The following KAZN variants were observed in gnomAD, a reference collection of about 807,000 sequenced individuals.
KAZN encodes the protein kazrin.
A neutral mutation model predicts 87.4 loss-of-function variants in KAZN; 40 were observed. That is an observed-to-expected ratio of 0.46 (90% CI 0.36 to 0.60). The LOEUF (loss-of-function observed/expected upper bound fraction) is 0.60, where lower values mean the gene tolerates loss of function less well. Ranked by LOEUF, KAZN falls within the 20% of genes least tolerant of loss-of-function variation. The probability of loss-of-function intolerance (pLI) is 0.00; values close to 1 mark genes in which losing one functional copy is unlikely to be tolerated. For synonymous variants in KAZN, 466 were observed against 458.3 expected (o/e 1.02, Z -0.22); for missense variants, 898 against 1,073.9 (o/e 0.84, Z 2.29).
chr1:14,637,071 C>A (rs1680047186), intron 1 of KAZN, among the ~76,000 whole-genome samples: 1 of 152,142 alleles, frequency 6.6e-6, no homozygotes, highest in Non-Finnish European at 1.5e-5. Flanking sequence ...GAGCCCAGGG[C>A]CCCTTTTCTG....
In KAZN at chr1:14,871,223, C is replaced by A. The variant is rs115751624; in HGVS notation, c.227-89461C>A. On this transcript the variant is annotated intron_variant, in intron 1 of 14. Coordinates refer to ENST00000376030, the MANE Select transcript of KAZN (RefSeq NM_201628.3). ...GAACAGTCCAGGCACAGTTGTCCTGCAGACCTCTCCTTCCTAGGTTTGGGG... is the reference window on the plus strand; with the variant it reads ...GAACAGTCCAGGCACAGTTGTCCTGAAGACCTCTCCTTCCTAGGTTTGGGG... Among the ~76,000 whole-genome samples, 15 of 152,336 alleles carry A rather than the reference C, an allele frequency of 9.8e-5. No homozygotes were observed. The East Asian group carries it at 2.7e-3, about 28-fold the overall frequency.
chr1:14,109,416 A>G (rs1644450217), intron 1 of KAZN, among the ~76,000 whole-genome samples: 1 of 152,108 alleles, frequency 6.6e-6, no homozygotes. Flanking sequence ...ACTTTGATGT[A>G]TATCTGATGG....
intron 1 of KAZN, among the ~76,000 whole-genome samples, chr1:13,945,679 T>TTG (rs60728794): frequency 0.14 from 17,036 of 123,038 alleles, 1,086 homozygotes; most frequent in African/African-American, 0.15. Flanking sequence ...TGCTCTCAGT[T>TTG]TGTGTGTGTG....
At chr1:14,252,585 G>A (rs1368329287) in intron 2 of KAZN, among the ~76,000 whole-genome samples, 1 of 152,028 alleles carries the variant, frequency 6.6e-6, no homozygotes, top group Admixed American at 6.6e-5. Flanking sequence ...ATCAGTTCAG[G>A]GGCTGCCTAC....
intron 2 of KAZN, among the ~76,000 whole-genome samples, chr1:14,397,653 T>A (rs1663012708): frequency 6.6e-6 from 1 of 151,856 alleles, no homozygotes; most frequent in African/African-American, 2.4e-5. Context: ...GGTCAGGAGT[T>A]TGAGACCAGC....
intron 1 of KAZN, among the ~76,000 whole-genome samples, chr1:14,638,895 G>A (rs1354696008): frequency 6.6e-6 from 1 of 152,070 alleles, no homozygotes; most frequent in East Asian, 1.9e-4. Flanking sequence ...ATCCTCAGCC[G>A]GCAGCCCATC....
Position 14,658,552 on chromosome 1 carries a change from T to G in KAZN, c.226+59329T>G, listed in dbSNP as rs1638943706. Among the ~76,000 whole-genome samples the G allele has an allele frequency of 2.0e-5, 3 of 152,148 alleles. No homozygotes were observed. In the South Asian group the frequency reaches 6.2e-4, roughly 32 times the overall value. On this transcript the variant is annotated intron_variant, in intron 1 of 14. Transcript: ENST00000376030. The stretch of plus-strand genomic sequence containing the variant: ...CAGCTGGCCTCAGTACCTATAACCT[T>G]TCTACATCAAAGTCTTTTGAGAATC...
intron 8 of KAZN, among the ~76,000 whole-genome samples, chr1:15,090,060 C>A (rs1358394580): frequency 6.6e-6 from 1 of 152,210 alleles, no homozygotes; most frequent in Non-Finnish European, 1.5e-5. Flanking sequence ...AACTTTCACA[C>A]CCCCATAGCT....
chr1:14,684,264 CTG>C (rs1238804702), intron 1 of KAZN, among the ~76,000 whole-genome samples: 1 of 152,188 alleles, frequency 6.6e-6, no homozygotes, highest in Admixed American at 6.5e-5. Flanking sequence ...AGCGTTGGGG[CTG>C]TGGGCAGAGG....
rs980184295 is a variant in KAZN at position 14,291,346 on chromosome 1, C to A, written c.249+110754C>A. Among the ~76,000 whole-genome samples the A allele has an allele frequency of 2.0e-5, 3 of 152,188 alleles. No individual in the cohort carries two copies. The East Asian group carries it at 5.8e-4, about 29-fold the overall frequency. The stretch of plus-strand genomic sequence containing the variant: ...GAGCTCCCGTGGCCTCCATCCAGTT[C>A]GAGCTTCCCTGGCCGCTTTGTTTAC... On this transcript the variant is annotated intron_variant, in intron 2 of 16. Transcript: ENST00000636203.
rs1016418381 is a variant in KAZN at position 14,138,546 on chromosome 1, C to T, written c.92-41889C>T. On this transcript the variant is annotated intron_variant, in intron 1 of 16. Coordinates refer to the KAZN transcript ENST00000636203. ...TCCCTCAGACCAATTCCCTCAGCCT[C>T]CCCTAGAGCCCCCACGAGATCGTCC... Among the ~76,000 whole-genome samples the T allele has an allele frequency of 2.6e-5, 4 of 152,286 alleles. No homozygotes were observed. The East Asian group carries it at 5.8e-4, about 22-fold the overall frequency.
intron 5 of KAZN, among the ~76,000 whole-genome samples, chr1:15,059,590 T>C (rs925590954): frequency 6.6e-6 from 1 of 151,768 alleles, no homozygotes; most frequent in Non-Finnish European, 1.5e-5. Flanking sequence ...GTGGTGGCAA[T>C]GCAGTGGGAG....
chr1:14,627,978 ACTCTCTCTCT>A (rs3087168), intron 1 of KAZN, among the ~76,000 whole-genome samples: 1 of 143,740 alleles, frequency 7.0e-6, no homozygotes. Flanking sequence ...TGGATATGGA[ACTCTCTCTCT>A]CTCTCTCTCT....
At chr1:14,152,114 T>G (rs1261248245) in intron 1 of KAZN, among the ~76,000 whole-genome samples, 4 of 152,210 alleles carry the variant, frequency 2.6e-5, no homozygotes, top group Non-Finnish European at 4.4e-5. Flanking sequence ...TAATGCACAA[T>G]AACCATATAT....
chr1:15,022,973 T>A (rs1347568978), intron 2 of KAZN, among the ~76,000 whole-genome samples: 1 of 152,228 alleles, frequency 6.6e-6, no homozygotes, highest in East Asian at 1.9e-4. Flanking sequence ...GTTAACCCTT[T>A]CCTTTACCTG....
At chr1:15,102,542 G>A (rs1385463761) in intron 11 of KAZN, among the ~76,000 whole-genome samples, 2 of 152,156 alleles carry the variant, frequency 1.3e-5, no homozygotes, top group South Asian at 2.1e-4. Flanking sequence ...GTGGGGCTGA[G>A]TCCAGGTAGC....
At chr1:13,914,642 T>C (rs1639776795) in intron 1 of KAZN, among the ~76,000 whole-genome samples, 1 of 152,178 alleles carries the variant, frequency 6.6e-6, no homozygotes, top group South Asian at 2.1e-4. Context: ...GAAGCCACAC[T>C]GTGAGAGGGC....
At chr1:14,148,626 T>C (rs1272337669) in intron 1 of KAZN, among the ~76,000 whole-genome samples, 1 of 152,230 alleles carries the variant, frequency 6.6e-6, no homozygotes, top group Admixed American at 6.5e-5. Flanking sequence ...TTGTTTTGTT[T>C]ATGTTTCTTT....
intron 1 of KAZN, among the ~76,000 whole-genome samples, chr1:14,040,490 G>A (rs1223145011): frequency 6.6e-6 from 1 of 152,118 alleles, no homozygotes; most frequent in Non-Finnish European, 1.5e-5. Flanking sequence ...GGCTGGGCAC[G>A]GTGGCTCATG....
Sources: gnomAD v4.1 joint callset for allele counts (sites outside exome capture counted in the v4.1 genomes callset) on GRCh38, gnomAD v4.1.1 for gene constraint, MANE v1.5 for transcripts, NCBI Gene and HGNC (gene_info 2026-07-23, HGNC 2026-07-21) for gene names.